ZCCHC7: variants seen among roughly 807,000 people sequenced by gnomAD.
ZCCHC7 encodes zinc finger CCHC domain-containing protein 7.
ZCCHC7 carries 35 observed loss-of-function variants against 52.0 expected under a neutral mutation model. The ratio of observed to expected loss-of-function variants is 0.67; its 90% confidence interval spans 0.51 to 0.89. The LOEUF is 0.89. Ranked by LOEUF, ZCCHC7 falls within the 40% of genes least tolerant of loss-of-function variation. The pLI, the probability that ZCCHC7 is intolerant of heterozygous loss-of-function variation, is 0.00. For missense variants in ZCCHC7, 574 were observed against 649.1 expected, an observed-to-expected ratio of 0.88 and a Z score of 1.26; for synonymous variants, 217 against 221.5, an observed-to-expected ratio of 0.98 and a Z score of 0.18.
intron 5 of ZCCHC7, among the ~76,000 whole-genome samples, chr9:37,308,980 C>CAAAA (rs56871245): frequency 9.3e-6 from 1 of 107,310 alleles, no homozygotes. Flanking sequence ...AGTCTGTATC[C>CAAAA]AAAAAAAAAA....
intron 2 of ZCCHC7, among the ~76,000 whole-genome samples, chr9:37,211,464 TC>T (rs1824209936): frequency 6.6e-6 from 1 of 152,208 alleles, no homozygotes; most frequent in African/African-American, 2.4e-5. Context: ...ATCTTTATCA[TC>T]AAATACTGAG....
intron 6 of ZCCHC7, among the ~76,000 whole-genome samples, chr9:37,329,624 G>T (rs1830378129): frequency 6.6e-6 from 1 of 151,750 alleles, no homozygotes; most frequent in African/African-American, 2.4e-5. Flanking sequence ...ATATATCAGT[G>T]TCTCTAAAAT....
At chr9:37,204,052 T>G (rs1390022037) in intron 2 of ZCCHC7, among the ~76,000 whole-genome samples, 1 of 152,250 alleles carries the variant, frequency 6.6e-6, no homozygotes, top group Admixed American at 6.5e-5. Flanking sequence ...ATTTCTCTGA[T>G]GATCAGTGAT....
intron 2 of ZCCHC7, among the ~76,000 whole-genome samples, chr9:37,134,119 G>A (rs773819390): frequency 2.0e-5 from 3 of 152,112 alleles, no homozygotes; most frequent in Non-Finnish European, 4.4e-5. Flanking sequence ...CCCAGCTAGT[G>A]TTCAGATTTC....
At chr9:37,259,372 G>A (rs4629963) in intron 2 of ZCCHC7, among the ~76,000 whole-genome samples, 80,839 of 151,894 alleles carry the variant, frequency 0.53, 21,952 homozygotes, top group African/African-American at 0.63. Flanking sequence ...ATGACTTTCT[G>A]GCTCTTTTTT....
intron 5 of ZCCHC7, among the ~76,000 whole-genome samples, chr9:37,307,599 T>C (rs989867136): frequency 6.6e-6 from 1 of 152,164 alleles, no homozygotes; most frequent in African/African-American, 2.4e-5. Flanking sequence ...AATATTTTTC[T>C]AATTTTATTT....
intron 2 of ZCCHC7, among the ~76,000 whole-genome samples, chr9:37,206,257 C>T (rs1005511501): frequency 6.6e-6 from 1 of 151,212 alleles, no homozygotes; most frequent in African/African-American, 2.4e-5. Flanking sequence ...TCTTTCCCCT[C>T]CCTCTCTTCC....
rs764632196 is a variant in ZCCHC7, at chr9:37,331,151, CTTAA to C, written c.987+3320_987+3323del. Among the ~76,000 whole-genome samples the C allele has an allele frequency of 3.6e-4, 54 of 151,516 alleles. 1 individual carries two copies. The Middle Eastern group carries it at 0.01, about 29-fold the overall frequency. Reference sequence around the variant, plus strand: ...TGTAACTGTTTTAGAAGAATTAAGCCTTAATTGTTTTTTTATATATAATGTTTTG... The same window carrying C: ...TGTAACTGTTTTAGAAGAATTAAGCCTTGTTTTTTTATATATAATGTTTTG... On this transcript the variant is annotated intron_variant, in intron 6 of 8. Transcript: ENST00000336755.
At chr9:37,123,282 G>T (rs1936910904) in intron 1 of ZCCHC7, among the ~76,000 whole-genome samples, 1 of 151,904 alleles carries the variant, frequency 6.6e-6, no homozygotes, top group Non-Finnish European at 1.5e-5. Context: ...TTTTAAAAGG[G>T]TAAATTAAAT....
intron 3 of ZCCHC7, among the ~76,000 whole-genome samples, chr9:37,303,080 TTAAG>T (rs1829110636): frequency 6.6e-6 from 1 of 152,034 alleles, no homozygotes; most frequent in South Asian, 2.1e-4. Flanking sequence ...AACTCAAAAT[TTAAG>T]TAGCCCTCCC....
intron 2 of ZCCHC7, among the ~76,000 whole-genome samples, chr9:37,249,641 G>A (rs1826232332): frequency 2.0e-5 from 3 of 151,778 alleles, no homozygotes; most frequent in Non-Finnish European, 1.5e-5. Context: ...TAGTAGAGAT[G>A]GGGTTCACCA....
chr9:37,240,430 TATTTA>T (rs1825826864), intron 2 of ZCCHC7, among the ~76,000 whole-genome samples: 1 of 151,936 alleles, frequency 6.6e-6, no homozygotes, highest in African/African-American at 2.4e-5. Flanking sequence ...ATTAATCTGA[TATTTA>T]ATTAGTTGTG....
intron 2 of ZCCHC7, among the ~76,000 whole-genome samples, chr9:37,219,263 C>T (rs528699361): frequency 2.2e-4 from 34 of 152,314 alleles, no homozygotes; most frequent in South Asian, 4.1e-4. Context: ...GACAAAGCCA[C>T]GCTCATTCAT....
intron 2 of ZCCHC7, among the ~76,000 whole-genome samples, chr9:37,134,681 C>T (rs1842926472): frequency 6.6e-6 from 1 of 152,066 alleles, no homozygotes; most frequent in African/African-American, 2.4e-5. Flanking sequence ...ATGTGTATAT[C>T]TTTGTACACT....
At chr9:37,172,694 A>G (rs1014741628) in intron 2 of ZCCHC7, among the ~76,000 whole-genome samples, 5 of 152,144 alleles carry the variant, frequency 3.3e-5, no homozygotes, top group African/African-American at 1.2e-4. Flanking sequence ...TGAGTGAACA[A>G]TGTGGGCATT....
intron 2 of ZCCHC7, among the ~76,000 whole-genome samples, chr9:37,150,910 TC>T (rs1218466149): frequency 1.3e-5 from 2 of 152,074 alleles, no homozygotes; most frequent in East Asian, 3.9e-4. Context: ...TCTGTGAATC[TC>T]TGTAGCATTG....
chr9:37,303,652 C>A (rs956649480), intron 3 of ZCCHC7, among the ~76,000 whole-genome samples: 7 of 127,772 alleles, frequency 5.5e-5, no homozygotes, highest in East Asian at 4.2e-4. Flanking sequence ...TGTTTTTCTA[C>A]CTCTTTTTTT....
At chr9:37,212,095 A>ATT (rs1438515743) in intron 2 of ZCCHC7, among the ~76,000 whole-genome samples, 1 of 139,472 alleles carries the variant, frequency 7.2e-6, no homozygotes, top group African/African-American at 2.6e-5. Flanking sequence ...ACTGGGGATG[A>ATT]TTTTACCTCC....
chr9:37,266,319 TACAG>T (rs1205154261), intron 2 of ZCCHC7, among the ~76,000 whole-genome samples: 12 of 152,178 alleles, frequency 7.9e-5, no homozygotes, highest in South Asian at 2.1e-4. Flanking sequence ...AATGAACTAT[TACAG>T]ACAAAACTAT....
Sources: gnomAD v4.1 joint callset for allele counts (sites outside exome capture counted in the v4.1 genomes callset) on GRCh38, gnomAD v4.1.1 for gene constraint, MANE v1.5 for transcripts, NCBI Gene and HGNC (gene_info 2026-07-23, HGNC 2026-07-21) for gene names.